The following FLT3 variants were observed in gnomAD, a reference collection of about 807,000 sequenced individuals.
FLT3 encodes the protein receptor-type tyrosine-protein kinase FLT3.
Under a neutral mutation model 126.6 loss-of-function variants are expected in FLT3, and 46 were observed. That is an observed-to-expected ratio of 0.36 (90% CI 0.29 to 0.46). FLT3 has a LOEUF of 0.46. Ranked by LOEUF, FLT3 falls within the 20% of genes least tolerant of loss-of-function variation. FLT3 has a pLI of 1.00. For missense variants in FLT3, 1,069 were observed against 1,190.3 expected (o/e 0.90, Z 1.50); for synonymous variants, 404 against 434.4 (o/e 0.93, Z 0.87).
intron 17 of FLT3, chr13:28,025,265 G>A (rs1470273417): frequency 1.3e-5 from 5 of 395,838 alleles, no homozygotes; most frequent in African/African-American, 6.2e-5. Context: ...AATATGATTC[G>A]AGTGGAACCA....
Position 28,042,757 on chromosome 13 carries a change from G to A in FLT3, c.1206-5469C>T, listed in dbSNP as rs561476765. Among the ~76,000 whole-genome samples the A allele has an allele frequency of 1.1e-4, 17 of 152,136 alleles. No individual in the cohort carries two copies. In the East Asian group the frequency reaches 3.3e-3, roughly 29 times the overall value. On this transcript the variant is annotated intron_variant, in intron 9 of 23. Coordinates refer to ENST00000241453, the MANE Select transcript of FLT3 (RefSeq NM_004119.3). Reference sequence around the variant, plus strand: ...GCAGCCAGGAATGTTGTCTCAAACTGCAGAAGTGAATGGGAACGGCATTTA... The same window carrying A: ...GCAGCCAGGAATGTTGTCTCAAACTACAGAAGTGAATGGGAACGGCATTTA...
At chr13:28,031,431 G>T (rs1473736169) in intron 15 of FLT3, among the ~76,000 whole-genome samples, 1 of 152,098 alleles carries the variant, frequency 6.6e-6, no homozygotes, top group Non-Finnish European at 1.5e-5. Flanking sequence ...AGTGGGCAAA[G>T]GTCGAGAAAG....
chr13:28,024,137 CT>C (rs371442807), intron 18 of FLT3, among the ~76,000 whole-genome samples: 144 of 117,692 alleles, frequency 1.2e-3, no homozygotes, highest in Middle Eastern at 4.8e-3. Context: ...TTCTTTCTTT[CT>C]TTTTTTTTTT....
At chr13:28,086,617 C>T (rs1878687718) in intron 1 of FLT3, among the ~76,000 whole-genome samples, 1 of 128,842 alleles carries the variant, frequency 7.8e-6, no homozygotes, top group African/African-American at 3.2e-5. Context: ...GTCTGAAGAA[C>T]TCGTGTGTGT....
In FLT3 at chr13:28,048,076, T is replaced by C. The variant is rs569375970; in HGVS notation, c.1205+199A>G. Among the ~76,000 whole-genome samples the C allele has an allele frequency of 1.8e-4, 28 of 152,338 alleles. No individual in the cohort carries two copies. In the East Asian group the frequency reaches 4.6e-3, roughly 25 times the overall value. ...GTTCTTTCTGTTTTCATGCAGCAGGTTATATTATCTAAAGTAATGGTAAGA... is the reference window on the plus strand; with the variant it reads ...GTTCTTTCTGTTTTCATGCAGCAGGCTATATTATCTAAAGTAATGGTAAGA... On this transcript the variant is annotated intron_variant, in intron 9 of 23. Transcript: ENST00000241453.
chr13:28,040,310 G>A (rs183783801), intron 9 of FLT3, among the ~76,000 whole-genome samples: 429 of 151,930 alleles, frequency 2.8e-3, no homozygotes, highest in Non-Finnish European at 5.2e-3. Context: ...GTTTAATGGA[G>A]GAGAATGGGA....
At chr13:28,064,238 T>A (rs192102110) in intron 2 of FLT3, among the ~76,000 whole-genome samples, 2 of 151,892 alleles carry the variant, frequency 1.3e-5, no homozygotes, top group Non-Finnish European at 1.5e-5. Flanking sequence ...AGTAGACAAC[T>A]GGGAAAAAGA....
chr13:28,072,923 T>C (rs1489175852), intron 1 of FLT3, among the ~76,000 whole-genome samples: 2 of 151,798 alleles, frequency 1.3e-5, no homozygotes, highest in African/African-American at 4.8e-5. Context: ...GAGAATAGCG[T>C]AAACCCGGGA....
In FLT3 at chr13:28,028,787, TTTC is replaced by T. The variant is rs1186862815; in HGVS notation, c.1943-502_1943-500del. On this transcript the variant is annotated intron_variant, in intron 15 of 23. Transcript: ENST00000241453. ...TCTTTTTTTTTTTTCCTTTTCTTTCTTTCTTTTTTTTTGACACAGTATCTCACT... is the reference window on the plus strand; with the variant it reads ...TCTTTTTTTTTTTTCCTTTTCTTTCTTTTTTTTTTGACACAGTATCTCACT... Among the ~76,000 whole-genome samples the T allele has an allele frequency of 2.1e-3, 20 of 9,610 alleles. No homozygotes were observed. The Non-Finnish European group carries it at 0.055, about 26-fold the overall frequency. The allele number at this position is 9,610 out of a possible 152,430, so 6.3% of individuals were successfully genotyped here.
chr13:28,034,693 G>A (rs748656162), intron 12 of FLT3, among the ~76,000 whole-genome samples: 1 of 152,170 alleles, frequency 6.6e-6, no homozygotes, highest in African/African-American at 2.4e-5. Context: ...GATGGCTCAC[G>A]CCTGTAGTCC....
intron 1 of FLT3, among the ~76,000 whole-genome samples, chr13:28,091,473 G>A (rs1004861643): frequency 2.2e-4 from 33 of 150,734 alleles, no homozygotes; most frequent in Admixed American, 1.7e-3. Flanking sequence ...CGCCCGCCTC[G>A]GCCTCCCAAA....
intron 3 of FLT3, among the ~76,000 whole-genome samples, chr13:28,060,793 T>A (rs1182527552): frequency 6.6e-6 from 1 of 151,646 alleles, no homozygotes; most frequent in Non-Finnish European, 1.5e-5. Flanking sequence ...TTAGTAGAGA[T>A]GGGGTTTCAC....
rs550401724 is a variant in FLT3, at chr13:28,088,730, G to A, written c.43+11738C>T. Among the ~76,000 whole-genome samples, 160 of 151,324 alleles carry A rather than the reference G, an allele frequency of 1.1e-3. 1 individual carries two copies. The highest frequency in any genetic ancestry group is 3.7e-3 in the African/African-American group (154 of 41,222). Reference sequence around the variant, plus strand: ...CTCCCGAGTAGCTGGGATTACAGGCGCCCACCACCACGCCCAGCTAATTTT... The same window carrying A: ...CTCCCGAGTAGCTGGGATTACAGGCACCCACCACCACGCCCAGCTAATTTT... On this transcript the variant is annotated intron_variant, in intron 1 of 23. Coordinates refer to ENST00000241453, the MANE Select transcript of FLT3 (RefSeq NM_004119.3).
chr13:28,091,407 G>T (rs1289056139), intron 1 of FLT3, among the ~76,000 whole-genome samples: 19 of 148,800 alleles, frequency 1.3e-4, no homozygotes, highest in East Asian at 1.2e-3. Context: ...ATTTTTAGTA[G>T]AGACGGGGTT....
rs777127892 is a variant in FLT3 at position 28,034,337 on chromosome 13, G to A, written c.1668C>T (p.Val556=). 21 of 1,613,796 alleles carry A rather than the reference G, an allele frequency of 1.3e-5. No individual in the cohort carries two copies. The highest frequency in any genetic ancestry group is 1.6e-4 in the Middle Eastern group (1 of 6,084). Residue 556 remains valine, a synonymous_variant, in exon 13 of 24, where the codon GTC becomes GTT. Coordinates refer to ENST00000241453, the MANE Select transcript of FLT3 (RefSeq NM_004119.3). ...TGTGACAAATTAGCAGGGTTAAAAC[G>A]ACAATGAAGAGGAGACAAACACCAA... ...ATIGVCLLFI[V]VLTLLICHKY... is the part of the protein sequence containing the mutation.
At chr13:28,056,975 G>T (rs1055560999) in intron 4 of FLT3, among the ~76,000 whole-genome samples, 10 of 152,116 alleles carry the variant, frequency 6.6e-5, no homozygotes, top group Non-Finnish European at 4.4e-5. Flanking sequence ...GGAAATCGGG[G>T]CTCAGAGAAA....
intron 1 of FLT3, among the ~76,000 whole-genome samples, chr13:28,081,174 G>A (rs4771218): frequency 0.53 from 80,456 of 151,890 alleles, 22,765 homozygotes; most frequent in East Asian, 0.73. Context: ...GATCTACAGG[G>A]ATTTTAAAAG....
chr13:28,061,995 A>G lies in FLT3; in HGVS notation c.240T>C (p.Ala80=). 2 of 1,613,570 alleles carry G rather than the reference A, an allele frequency of 1.2e-6. No individual in the cohort carries two copies. Among genetic ancestry groups the G allele is most frequent in the Non-Finnish European group, 8.5e-7 (1 of 1,179,976 alleles). ...TGGAAGCAGATACATCCACTTCCACAGCGGCAGCTTCGTACACTGTCCCTG... is the reference window on the plus strand; with the variant it reads ...TGGAAGCAGATACATCCACTTCCACGGCGGCAGCTTCGTACACTGTCCCTG... ...QSSGTVYEAA[A]VEVDVSASIT... Residue 80 remains alanine, a synonymous_variant, in exon 3 of 24, where the codon GCT becomes GCC. Coordinates refer to ENST00000241453, the MANE Select transcript of FLT3 (RefSeq NM_004119.3).
intron 4 of FLT3, 122 bp downstream of exon 4, chr13:28,057,225 A>G (rs1593270401): frequency 4.5e-6 from 3 of 663,216 alleles, no homozygotes; most frequent in East Asian, 5.5e-5. Flanking sequence ...AATCAATCCA[A>G]CTACGTATCA....
Sources: allele counts gnomAD v4.1 joint callset (sites outside exome capture counted in the v4.1 genomes callset), GRCh38; gene constraint gnomAD v4.1.1; transcripts MANE v1.5; gene names NCBI Gene and HGNC (gene_info 2026-07-23, HGNC 2026-07-21).